Variants in PDXK observed in about 807,000 individuals in gnomAD.
The protein encoded by PDXK is pyridoxal kinase, also known as epididymis secretory sperm binding protein Li 1a.
A neutral mutation model predicts 43.2 loss-of-function variants in PDXK; 15 were observed. That is an observed-to-expected ratio of 0.35 (90% CI 0.23 to 0.53). The LOEUF (loss-of-function observed/expected upper bound fraction) is 0.53. Ranked by LOEUF, PDXK falls within the 20% of genes least tolerant of loss-of-function variation. The probability of loss-of-function intolerance (pLI) is 0.92; values close to 1 mark genes in which losing one functional copy is unlikely to be tolerated. For missense variants in PDXK, 343 were observed against 417.0 expected, an observed-to-expected ratio of 0.82 and a Z score of 1.54; for synonymous variants, 172 against 165.4, an observed-to-expected ratio of 1.04 and a Z score of -0.31.
Position 43,734,001 on chromosome 21 carries a change from C to T in PDXK, c.88-68C>T, listed in dbSNP as rs2083363427. ...TTTACTCCCCTCTTCTGAGTCAGCA[C>T]CTGCTGGGGTTCGTGGGACCCCAGA... On this transcript the variant is annotated intron_variant, in intron 1 of 10. Coordinates refer to ENST00000291565, the MANE Select transcript of PDXK (RefSeq NM_003681.5). This position sits in a 1 kb window ranked among gnomAD's most constrained non-coding sequence, Gnocchi z 5.0. The T allele has an allele frequency of 2.7e-6, 4 of 1,504,976 alleles. No individual in the cohort carries two copies. The highest frequency in any genetic ancestry group is 1.1e-5 in the South Asian group (1 of 88,730). The allele number at this position is 1,504,976 out of a possible 1,614,324, so 93.2% of individuals were successfully genotyped here.
In PDXK at chr21:43,735,341, C is replaced by T. The variant is rs868344003; in HGVS notation, c.142+1218C>T. Among the ~76,000 whole-genome samples, 3 of 152,304 alleles carry T rather than the reference C, an allele frequency of 2.0e-5. No individual in the cohort carries two copies. The highest frequency in any genetic ancestry group is 4.1e-4 in the South Asian group (2 of 4,826). On this transcript the variant is annotated intron_variant, in intron 2 of 10. Coordinates refer to ENST00000291565, the MANE Select transcript of PDXK (RefSeq NM_003681.5). This position sits in a 1 kb window ranked among gnomAD's most constrained non-coding sequence, Gnocchi z 5.3. Reference sequence around the variant, plus strand: ...TGTTTCTGGGGACTGTGTTGGGCTCCGTCAGTGCTGGTTCAACATCCACAC... The same window carrying T: ...TGTTTCTGGGGACTGTGTTGGGCTCTGTCAGTGCTGGTTCAACATCCACAC...
intron 1 of PDXK, among the ~76,000 whole-genome samples, chr21:43,724,954 A>C (rs1396314667): frequency 1.3e-5 from 2 of 152,014 alleles, no homozygotes; most frequent in Non-Finnish European, 2.9e-5. Context: ...AAAAAAAAAA[A>C]TCCCCTGCTC....
At chr21:43,750,421 G>A (rs2083714374) in intron 6 of PDXK, 79 bp from the exon 7 acceptor site, 3 of 1,286,674 alleles carry the variant, frequency 2.3e-6, no homozygotes, top group South Asian at 1.3e-5. Context: ...GAGCCGCTGC[G>A]GTTTGGGGAA....
chr21:43,735,211 C>G lies in PDXK; in HGVS notation c.142+1088C>G, dbSNP rs2083383154. ...AAGACTCAGGCCCTCCAGGAGCCTCCCTGAACCCACATGTCCTTCCTGGCT... is the reference window on the plus strand; with the variant it reads ...AAGACTCAGGCCCTCCAGGAGCCTCGCTGAACCCACATGTCCTTCCTGGCT... On this transcript the variant is annotated intron_variant, in intron 2 of 10. Coordinates refer to ENST00000291565, the MANE Select transcript of PDXK (RefSeq NM_003681.5). This position sits in a 1 kb window ranked among gnomAD's most constrained non-coding sequence, Gnocchi z 5.3. Among the ~76,000 whole-genome samples the G allele has an allele frequency of 6.6e-6, 1 of 152,214 alleles. No homozygotes were observed. The highest frequency in any genetic ancestry group is 2.4e-5 in the African/African-American group (1 of 41,454).
chr21:43,737,063 G>T lies in PDXK; in HGVS notation c.142+2940G>T. 1.3e-6 allele frequency: 1 copy of T among 754,138 alleles called. No homozygotes were observed. Among genetic ancestry groups the T allele is most frequent in the South Asian group, 1.5e-5 (1 of 68,596 alleles). The allele number at this position is 754,138 out of a possible 1,614,324, so 46.7% of individuals were successfully genotyped here. On this transcript the variant is annotated intron_variant, in intron 2 of 10. Transcript: ENST00000291565. This position sits in a 1 kb window ranked among gnomAD's most constrained non-coding sequence, Gnocchi z 4.8. ...TCTTTCTGCCTCCACCTCCCGAGTG[G>T]CTGGGACTATAGTTGTGCACCAGCA...
intron 1 of PDXK, among the ~76,000 whole-genome samples, chr21:43,726,933 T>C (rs1455295257): frequency 6.6e-6 from 1 of 152,080 alleles, no homozygotes; most frequent in East Asian, 1.9e-4. Flanking sequence ...GTATGGGGCA[T>C]GTGTGCATGG....
At chr21:43,724,503 T>C (rs549148399) in intron 1 of PDXK, among the ~76,000 whole-genome samples, 3 of 152,050 alleles carry the variant, frequency 2.0e-5, no homozygotes, top group Non-Finnish European at 4.4e-5. Context: ...AGGGGGTTGC[T>C]TGAGGGCCCT....
At chr21:43,755,873 G>T in intron 10 of PDXK, 78 bp from the exon 11 acceptor site, 1 of 1,437,486 alleles carries the variant, frequency 7.0e-7, no homozygotes, top group African/African-American at 1.4e-5. Flanking sequence ...GTCTCCTGCT[G>T]ACCTCACCTC....
At chr21:43,746,660 C>A (rs1397742904) in intron 5 of PDXK, among the ~76,000 whole-genome samples, 1 of 152,054 alleles carries the variant, frequency 6.6e-6, no homozygotes, top group Admixed American at 6.6e-5. Flanking sequence ...CTCAAGTGAT[C>A]CACCTGCCTT....
intron 1 of PDXK, among the ~76,000 whole-genome samples, chr21:43,730,826 G>A (rs899075286): frequency 1.3e-5 from 2 of 152,046 alleles, no homozygotes; most frequent in Admixed American, 6.6e-5. Context: ...GTGGCAGCAC[G>A]CACCTGTAGT....
At chr21:43,740,918 C>G (rs79444563) in intron 2 of PDXK, 1 of 147,162 alleles carries the variant, frequency 6.8e-6, no homozygotes, top group African/African-American at 2.5e-5. Context: ...GCCGAGCACC[C>G]CGGCCTGAAT....
intron 2 of PDXK, chr21:43,741,133 C>A (rs1302176302): frequency 1.2e-5 from 1 of 83,512 alleles, no homozygotes; most frequent in East Asian, 3.6e-4. Flanking sequence ...TCGTAGTAAC[C>A]ATCCCTGACA....
In PDXK at chr21:43,734,209, AGT is replaced by A; in HGVS notation, c.142+90_142+91del. 7.9e-7 allele frequency: 1 copy of A among 1,262,746 alleles called. No individual in the cohort carries two copies. Among genetic ancestry groups the A allele is most frequent in the African/African-American group, 1.7e-5 (1 of 57,742 alleles). 78.2% of individuals were successfully genotyped at this position (1,262,746 alleles called of 1,614,324 possible). Reference sequence around the variant, plus strand: ...AGTGTGGGTGTGAGGGACGGGGCGGAGTGTGGGTGTGAGGGACGGGGCTTTCG... The same window carrying A: ...AGTGTGGGTGTGAGGGACGGGGCGGAGTGGGTGTGAGGGACGGGGCTTTCG... On this transcript the variant is annotated intron_variant, in intron 2 of 10. Coordinates refer to ENST00000291565, the MANE Select transcript of PDXK (RefSeq NM_003681.5). The surrounding 1 kb of genome is among the most constrained non-coding windows in gnomAD (Gnocchi z 5.0).
intron 5 of PDXK, among the ~76,000 whole-genome samples, chr21:43,746,821 T>C (rs563917306): frequency 2.0e-5 from 3 of 152,344 alleles, no homozygotes; most frequent in South Asian, 2.1e-4. Context: ...TTGGCTTTTT[T>C]CCCCTAACCA....
rs527515767 is a variant in PDXK, at chr21:43,735,657, C to A, written c.142+1534C>A. ...CCCCCACTCCAGCCTCCTCCAGATG[C>A]CATGGGGGGCCTGCTGGTTTAGGAC... On this transcript the variant is annotated intron_variant, in intron 2 of 10. Transcript: ENST00000291565. The surrounding 1 kb of genome is among the most constrained non-coding windows in gnomAD (Gnocchi z 5.3). 6.6e-6 allele frequency among the ~76,000 whole-genome samples: 1 copy of A among 152,258 alleles called. No individual in the cohort carries two copies. The highest frequency in any genetic ancestry group is 2.1e-4 in the South Asian group (1 of 4,820).
chr21:43,736,714 C>A (rs2083409779), intron 2 of PDXK, among the ~76,000 whole-genome samples: 1 of 150,826 alleles, frequency 6.6e-6, no homozygotes, highest in Non-Finnish European at 1.5e-5. Context: ...CTCACTGCAG[C>A]CTTGACTTCC....
chr21:43,746,101 C>T lies in PDXK; in HGVS notation c.354C>T (p.Asp118=). 1.2e-6 allele frequency: 2 copies of T among 1,613,728 alleles called. No homozygotes were observed. Among genetic ancestry groups the T allele is most frequent in the Non-Finnish European group, 1.7e-6 (2 of 1,179,598 alleles). Residue 118 remains aspartate, a synonymous_variant, in exon 5 of 11, where the codon GAC becomes GAT. Coordinates refer to ENST00000291565, the MANE Select transcript of PDXK (RefSeq NM_003681.5). ...LVYVCDPVLG[D]KWDGEGSMYV... is the part of the protein sequence containing the mutation. ...CAGTGTGTGATCCAGTCTTGGGTGA[C>T]AAGTGGGACGGCGAAGGCTCGATGG...
rs1327400907 is a variant in PDXK at position 43,743,630 on chromosome 21, T to C, written c.248-94T>C. On this transcript the variant is annotated intron_variant, in intron 3 of 10. Coordinates refer to ENST00000291565, the MANE Select transcript of PDXK (RefSeq NM_003681.5). ...CCACCTCCCTCCCCAGCCACCCCTC[T>C]GCAGGGTCTGCTGGTGCTTCTCTTT... The C allele has an allele frequency of 1.3e-5, 9 of 693,906 alleles. No homozygotes were observed. In the East Asian group the frequency reaches 3.3e-4, roughly 25 times the overall value. 43.0% of individuals were successfully genotyped at this position (693,906 alleles called of 1,614,324 possible).
chr21:43,736,112 G>GT (rs897707587), intron 2 of PDXK, among the ~76,000 whole-genome samples: 2 of 152,066 alleles, frequency 1.3e-5, no homozygotes, highest in East Asian at 1.9e-4. Flanking sequence ...TGTTTTTTGA[G>GT]TTTTTTTGTT....
Sources: gnomAD v4.1 joint callset for allele counts (sites outside exome capture counted in the v4.1 genomes callset) on GRCh38, gnomAD v4.1.1 for gene constraint, Gnocchi (gnomAD v3.1) non-coding constraint, MANE v1.5 for transcripts, NCBI Gene and HGNC (gene_info 2026-07-23, HGNC 2026-07-21) for gene names.